Variants in ABCB11 observed in about 807,000 individuals in gnomAD.
ABCB11 encodes bile salt export pump.
ABCB11 carries 95 observed loss-of-function variants against 148.0 expected under a neutral mutation model. That is an observed-to-expected ratio of 0.64 (90% CI 0.54 to 0.76). ABCB11 has a LOEUF of 0.76. ABCB11 is among the 30% of genes least tolerant of loss of function. ABCB11 has a pLI of 0.00. For missense variants in ABCB11, 1,523 were observed against 1,617.8 expected (o/e 0.94, Z 1.01); for synonymous variants, 591 against 555.4 (o/e 1.06, Z -0.90).
intron 18 of ABCB11, among the ~76,000 whole-genome samples, chr2:168,962,319 T>C (rs1460755539): frequency 6.6e-6 from 1 of 151,772 alleles, no homozygotes; most frequent in Non-Finnish European, 1.5e-5. Flanking sequence ...TCTAAATGTA[T>C]AATGCTGACT....
intron 19 of ABCB11, among the ~76,000 whole-genome samples, chr2:168,948,061 C>T (rs1692408719): frequency 6.6e-6 from 1 of 151,444 alleles, no homozygotes; most frequent in African/African-American, 2.4e-5. Flanking sequence ...ATGACATGAT[C>T]CCAGGGCACA....
At chr2:168,961,249 A>G (rs538783707) in intron 18 of ABCB11, among the ~76,000 whole-genome samples, 2 of 151,902 alleles carry the variant, frequency 1.3e-5, no homozygotes, top group South Asian at 2.1e-4. Flanking sequence ...TGTGTAGGCC[A>G]GAGGAAAAAT....
chr2:169,010,434 A>G (rs900627381), intron 5 of ABCB11, among the ~76,000 whole-genome samples: 1 of 152,162 alleles, frequency 6.6e-6, no homozygotes, highest in Non-Finnish European at 1.5e-5. Context: ...TAAAAATTCC[A>G]TCTACTAGAT....
At chr2:169,010,781 T>C (rs911491461) in intron 5 of ABCB11, among the ~76,000 whole-genome samples, 3 of 152,156 alleles carry the variant, frequency 2.0e-5, no homozygotes, top group East Asian at 1.9e-4. Context: ...CAAATAGTAT[T>C]CATGTCAATG....
chr2:169,017,801 T>C lies in ABCB11; in HGVS notation c.76+249A>G. 3 of 618,414 alleles carry C rather than the reference T, an allele frequency of 4.9e-6. No individual in the cohort carries two copies. The South Asian group carries it at 5.1e-5, about 10-fold the overall frequency. The allele number at this position is 618,414 out of a possible 1,614,324, so 38.3% of individuals were successfully genotyped here. A position where few individuals can be genotyped will look rare whatever the true frequency, so the allele number is the denominator to read the frequency against. ...CCACCACTGGAACAACCCTACTCTA[T>C]CTAGGAAAGGTGTTGGTGAGAGATG... On this transcript the variant is annotated intron_variant, in intron 2 of 27. Transcript: ENST00000650372.
intron 21 of ABCB11, among the ~76,000 whole-genome samples, chr2:168,943,053 GA>G (rs1692139177): frequency 1.3e-5 from 2 of 151,834 alleles, no homozygotes; most frequent in Admixed American, 1.3e-4. Flanking sequence ...AAAAGTATTA[GA>G]AAAATTCTGA....
downstream of ABCB11, among the ~76,000 whole-genome samples, chr2:168,915,449 T>G (rs1232683431): frequency 6.6e-6 from 1 of 152,210 alleles, no homozygotes. Flanking sequence ...TGAGTAAGAT[T>G]GTATTAATTT....
At chr2:168,951,791 TAAGAG>T (rs1158614913) in intron 19 of ABCB11, among the ~76,000 whole-genome samples, 1 of 151,688 alleles carries the variant, frequency 6.6e-6, no homozygotes, top group African/African-American at 2.4e-5. Context: ...CTATGTTAAA[TAAGAG>T]TGGTGAAAAT....
In ABCB11 at chr2:168,986,209, G is replaced by A. The variant is rs769564355; in HGVS notation, c.984C>T (p.Phe328=). The A allele has an allele frequency of 1.4e-5, 23 of 1,613,158 alleles. No homozygotes were observed. Among genetic ancestry groups the A allele is most frequent in the Non-Finnish European group, 1.7e-5 (20 of 1,179,554 alleles). The change falls in exon 10 of 28, where the codon TTC becomes TTT. Residue 328 remains phenylalanine, a synonymous_variant. Transcript: ENST00000650372. The part of the protein sequence containing the change: ...KGIVMGFFTG[F]VWCLIFLCYA... ...AACACAAAAAGATGAGACACCACAC[G>A]AATCCAGTAAAGAATCCCATCACTA...
rs192869461 is a variant in ABCB11 at position 168,978,398 on chromosome 2, A to C, written c.1197+1468T>G. Among the ~76,000 whole-genome samples the C allele has an allele frequency of 8.3e-3, 1,268 of 152,068 alleles. 22 individuals carry two copies. The highest frequency in any genetic ancestry group is 0.029 in the African/African-American group (1,194 of 41,496). On this transcript the variant is annotated intron_variant, in intron 11 of 27. Coordinates refer to ENST00000650372, the MANE Select transcript of ABCB11 (RefSeq NM_003742.4). ...CTATCCTCCCGACTTGGCCTCCCAA[A>C]GTGCTGGGATTACAGGTGTGAGCCA...
At chr2:168,982,232 G>C (rs550619543) in intron 10 of ABCB11, among the ~76,000 whole-genome samples, 1 of 152,242 alleles carries the variant, frequency 6.6e-6, no homozygotes, top group East Asian at 1.9e-4. Flanking sequence ...GAAAACAGTG[G>C]TTAATAGGTA....
chr2:168,977,639 C>T (rs953894595), intron 11 of ABCB11, among the ~76,000 whole-genome samples: 2 of 152,126 alleles, frequency 1.3e-5, no homozygotes, highest in Non-Finnish European at 2.9e-5. Context: ...ATACCTGAGA[C>T]TGGGTAATTT....
chr2:168,997,003 C>T (rs1264993305), intron 5 of ABCB11, among the ~76,000 whole-genome samples: 2 of 151,848 alleles, frequency 1.3e-5, no homozygotes, highest in Non-Finnish European at 1.5e-5. Context: ...GATGCTAGGA[C>T]TATGAAATAA....
At chr2:168,972,882 A>G (rs1558897926) in intron 13 of ABCB11, among the ~76,000 whole-genome samples, 2 of 152,040 alleles carry the variant, frequency 1.3e-5, no homozygotes, top group Non-Finnish European at 2.9e-5. Context: ...GAATGACCCT[A>G]GACAAGTTTC....
intron 8 of ABCB11, among the ~76,000 whole-genome samples, chr2:168,991,695 CT>C (rs1694529580): frequency 6.6e-6 from 1 of 151,916 alleles, no homozygotes; most frequent in African/African-American, 2.4e-5. Context: ...CAGCAAAACT[CT>C]TATCAAAATC....
At chr2:168,970,655 G>T in intron 14 of ABCB11, 1 of 292,100 alleles carries the variant, frequency 3.4e-6, no homozygotes, top group Non-Finnish European at 6.7e-6. Flanking sequence ...GATTATCATT[G>T]ACAAAAGATG....
rs544966284 is a variant in ABCB11 at position 168,952,539 on chromosome 2, T to C, written c.2343+5425A>G. Among the ~76,000 whole-genome samples, 16 of 151,714 alleles carry C rather than the reference T, an allele frequency of 1.1e-4. No individual in the cohort carries two copies. In the East Asian group the frequency reaches 2.7e-3, roughly 26 times the overall value. The stretch of plus-strand genomic sequence containing the variant: ...CATAATAGTCTGTGATAATCTTTTG[T>C]ATTTCTGTGGTATCTGTTATAATAT... On this transcript the variant is annotated intron_variant, in intron 19 of 27. Coordinates refer to ENST00000650372, the MANE Select transcript of ABCB11 (RefSeq NM_003742.4).
intron 3 of ABCB11, 67 bp from the exon 4 acceptor site, chr2:169,014,421 G>A (rs750896619): frequency 6.8e-7 from 1 of 1,472,736 alleles, no homozygotes; most frequent in Non-Finnish European, 9.4e-7. Context: ...CTCCCTAGGT[G>A]GTGATTTTAT....
At chr2:169,015,329 C>T (rs985065255) in intron 3 of ABCB11, among the ~76,000 whole-genome samples, 3 of 152,190 alleles carry the variant, frequency 2.0e-5, no homozygotes, top group African/African-American at 4.8e-5. Context: ...GATACCAACA[C>T]AGGCAGAGTC....
Sources: allele counts gnomAD v4.1 joint callset (sites outside exome capture counted in the v4.1 genomes callset), GRCh38; gene constraint gnomAD v4.1.1; transcripts MANE v1.5; gene names NCBI Gene and HGNC (gene_info 2026-07-23, HGNC 2026-07-21).